Variants in SOX5 observed in about 807,000 individuals in gnomAD.
SOX5 encodes the protein SRY-box transcription factor 5, also known as transcription factor SOX-5.
A neutral mutation model predicts 92.0 loss-of-function variants in SOX5; 9 were observed. The observed-to-expected ratio is 0.10, with a 90% CI of 0.06 to 0.17. SOX5 has a LOEUF of 0.17. SOX5 is among the 10% of genes least tolerant of loss of function. The pLI, the probability that SOX5 is intolerant of heterozygous loss-of-function variation, is 1.00. For synonymous variants in SOX5, 344 were observed against 336.3 expected, an observed-to-expected ratio of 1.02 and a Z score of -0.25; for missense variants, 642 against 944.5, an observed-to-expected ratio of 0.68 and a Z score of 4.20.
chr12:23,866,592 G>T (rs1366910153), intron 2 of SOX5, among the ~76,000 whole-genome samples: 3 of 152,122 alleles, frequency 2.0e-5, no homozygotes, highest in African/African-American at 7.2e-5. Context: ...GTGGTAGTGT[G>T]GAACTGAGCC....
At chr12:24,365,359 A>G (rs1050456646) in intron 2 of SOX5, among the ~76,000 whole-genome samples, 7 of 152,062 alleles carry the variant, frequency 4.6e-5, no homozygotes, top group Non-Finnish European at 5.9e-5. Flanking sequence ...AAGCATAATC[A>G]TGACTTCCAT....
At chr12:24,215,812 A>G (rs947457836) in intron 3 of SOX5, among the ~76,000 whole-genome samples, 28 of 152,076 alleles carry the variant, frequency 1.8e-4, no homozygotes, top group Non-Finnish European at 1.0e-4. Flanking sequence ...AAAAAAAAAA[A>G]GAAAGAAAAA....
chr12:23,844,112 T>G lies in SOX5; in HGVS notation c.481+1871A>C, dbSNP rs769562911. ...AACTTGCTCAGAACACTTATGTTGT[T>G]AGTCCACCACAGGGCAAAATCATCT... On this transcript the variant is annotated intron_variant, in intron 3 of 14. Transcript: ENST00000451604. Among the ~76,000 whole-genome samples, 3 of 152,222 alleles carry G rather than the reference T, an allele frequency of 2.0e-5. No individual in the cohort carries two copies. In the East Asian group the frequency reaches 5.8e-4, roughly 29 times the overall value.
intron 9 of SOX5, among the ~76,000 whole-genome samples, chr12:23,583,730 A>G (rs759733721): frequency 6.6e-6 from 1 of 152,132 alleles, no homozygotes; most frequent in Non-Finnish European, 1.5e-5. Flanking sequence ...TAAATCTCCA[A>G]AAGCTTTTAA....
chr12:23,771,571 C>T (rs908296393), intron 3 of SOX5, among the ~76,000 whole-genome samples: 1 of 152,212 alleles, frequency 6.6e-6, no homozygotes, highest in Non-Finnish European at 1.5e-5. Context: ...GCTATAATAG[C>T]CCAGTATTCA....
At chr12:23,844,637 A>G (rs568396462) in intron 3 of SOX5, among the ~76,000 whole-genome samples, 1 of 152,322 alleles carries the variant, frequency 6.6e-6, no homozygotes, top group South Asian at 2.1e-4. Flanking sequence ...TAAGTTTAGC[A>G]TATTTCACAA....
chr12:23,755,780 C>T (rs1417155405), intron 3 of SOX5, 56 bp from the exon 4 acceptor site: 3 of 1,178,396 alleles, frequency 2.5e-6, no homozygotes, highest in Non-Finnish European at 3.6e-6. Context: ...TACAATGGAG[C>T]TCATTAAAAG....
intron 14 of SOX5, among the ~76,000 whole-genome samples, chr12:23,535,349 G>A (rs1199870906): frequency 1.6e-4 from 25 of 152,160 alleles, no homozygotes; most frequent in Admixed American, 1.4e-3. Context: ...TTCTGGCCTC[G>A]TAGTGGTAGG....
intron 2 of SOX5, among the ~76,000 whole-genome samples, chr12:23,860,016 G>C (rs1010686934): frequency 6.6e-6 from 1 of 152,130 alleles, no homozygotes; most frequent in African/African-American, 2.4e-5. Context: ...GAAACTGGAG[G>C]CTATCACTGT....
At chr12:24,281,008 G>A (rs113918899) in intron 2 of SOX5, among the ~76,000 whole-genome samples, 12 of 141,898 alleles carry the variant, frequency 8.5e-5, no homozygotes, top group African/African-American at 1.8e-4. Flanking sequence ...AGAGAGGAAA[G>A]AAAAAAAAAA....
chr12:24,324,664 T>C (rs1369169638), intron 2 of SOX5, among the ~76,000 whole-genome samples: 1 of 152,200 alleles, frequency 6.6e-6, no homozygotes, highest in African/African-American at 2.4e-5. Context: ...TCTATGCTCA[T>C]AGTCTTTTCT....
At chr12:23,794,671 T>A (rs1300840728) in intron 3 of SOX5, among the ~76,000 whole-genome samples, 1 of 152,154 alleles carries the variant, frequency 6.6e-6, no homozygotes, top group East Asian at 1.9e-4. Context: ...TAAAAACTAT[T>A]TCTGTAAAAA....
chr12:24,279,418 A>T (rs962179237), intron 2 of SOX5, among the ~76,000 whole-genome samples: 7 of 152,042 alleles, frequency 4.6e-5, no homozygotes, highest in Non-Finnish European at 1.0e-4. Flanking sequence ...ATGATAGTTC[A>T]GTCATTCTTT....
intron 8 of SOX5, among the ~76,000 whole-genome samples, chr12:23,609,220 A>G (rs961087557): frequency 2.0e-5 from 3 of 152,186 alleles, no homozygotes; most frequent in African/African-American, 7.2e-5. Flanking sequence ...GCCATGTTAG[A>G]GGAAAATAAC....
intron 1 of SOX5, among the ~76,000 whole-genome samples, chr12:24,433,273 C>T (rs181620937): frequency 2.6e-5 from 4 of 152,256 alleles, no homozygotes; most frequent in Admixed American, 2.6e-4. Context: ...AAAGACATAG[C>T]AGAAGGTTCT....
chr12:23,955,276 G>C (rs1188152472), upstream of SOX5, among the ~76,000 whole-genome samples: 1 of 152,044 alleles, frequency 6.6e-6, no homozygotes, highest in Non-Finnish European at 1.5e-5. Context: ...AGCAATGACT[G>C]TCCCACTTTC....
At chr12:24,524,543 A>T (rs2138540715) in intron 1 of SOX5, among the ~76,000 whole-genome samples, 1 of 152,216 alleles carries the variant, frequency 6.6e-6, no homozygotes. Context: ...TGTGCTAAAA[A>T]TTTAAATATA....
At position 24,033,181 on chromosome 12, in the gene SOX5, T is replaced by C. The variant is rs868502958; in HGVS notation, c.-1-137157A>G. On this transcript the variant is annotated intron_variant, in intron 4 of 4. Transcript: ENST00000446891. ...AGTAACTTATCTTAATTTGTTGTTATACATCTTTTCCAAGTGACTTTACAA... is the reference window on the plus strand; with the variant it reads ...AGTAACTTATCTTAATTTGTTGTTACACATCTTTTCCAAGTGACTTTACAA... 6.6e-5 allele frequency among the ~76,000 whole-genome samples: 10 copies of C among 152,092 alleles called. No homozygotes were observed. In the South Asian group the frequency reaches 1.0e-3, roughly 16 times the overall value.
chr12:24,399,981 C>G (rs1488999945), intron 1 of SOX5, among the ~76,000 whole-genome samples: 3 of 152,156 alleles, frequency 2.0e-5, no homozygotes, highest in Admixed American at 2.0e-4. Context: ...TCATATTAAG[C>G]TCATTCTACT....
Sources: gnomAD v4.1 joint callset for allele counts (sites outside exome capture counted in the v4.1 genomes callset) on GRCh38, gnomAD v4.1.1 for gene constraint, MANE v1.5 for transcripts, NCBI Gene and HGNC (gene_info 2026-07-23, HGNC 2026-07-21) for gene names.